The following MSN variants were observed in gnomAD, a reference collection of about 807,000 sequenced individuals.
MSN encodes epididymis luminal protein 70.
A neutral mutation model predicts 48.0 loss-of-function variants in MSN; 2 were observed. The ratio of observed to expected loss-of-function variants is 0.04; its 90% CI spans 0.02 to 0.13. MSN has a LOEUF of 0.13. Ranked by LOEUF, MSN falls within the 10% of genes least tolerant of loss-of-function variation. MSN has a pLI of 1.00. For synonymous variants in MSN, 146 were observed against 166.9 expected (o/e 0.87, Z 0.97); for missense variants, 267 against 470.1 (o/e 0.57, Z 3.99).
At chrX:65,599,609 G>A (rs1051680658) in intron 1 of MSN, among the ~76,000 whole-genome samples, 1 of 112,723 alleles carries the variant, frequency 8.9e-6, no homozygotes, top group African/African-American at 3.2e-5. Context: ...CTCCATTGTG[G>A]GTGACAGAGC....
chrX:65,634,135 G>A (rs1478509385), intron 1 of MSN, among the ~76,000 whole-genome samples: 2 of 112,065 alleles, frequency 1.8e-5, no homozygotes, highest in Non-Finnish European at 3.8e-5. Flanking sequence ...GCCTGGCAAA[G>A]AGGACTGAGA....
chrX:65,609,665 T>C (rs769128915), intron 1 of MSN, among the ~76,000 whole-genome samples: 4 of 111,436 alleles, frequency 3.6e-5, no homozygotes, highest in African/African-American at 6.5e-5. Flanking sequence ...GGGCGGATAA[T>C]GAGGTCAGGA....
chrX:65,694,310 T>G (rs1450548458), intron 1 of MSN, among the ~76,000 whole-genome samples: 1 of 110,652 alleles, frequency 9.0e-6, no homozygotes, highest in African/African-American at 3.3e-5. Context: ...GTGTGCCTCC[T>G]ATACTACATT....
chrX:65,675,701 A>G (rs763829779), intron 1 of MSN, among the ~76,000 whole-genome samples: 4 of 110,164 alleles, frequency 3.6e-5, no homozygotes, highest in Non-Finnish European at 7.6e-5. Flanking sequence ...GCAATGGTGC[A>G]ATCTTGGCTC....
At chrX:65,592,256 C>T (rs1321015596) in intron 1 of MSN, among the ~76,000 whole-genome samples, 6 of 95,445 alleles carry the variant, frequency 6.3e-5, no homozygotes, top group Admixed American at 1.3e-4. Flanking sequence ...AGTTCAGTGG[C>T]GCCATCTTGG....
intron 1 of MSN, among the ~76,000 whole-genome samples, chrX:65,596,211 G>A (rs1033908378): frequency 3.6e-5 from 4 of 111,384 alleles, no homozygotes; most frequent in Non-Finnish European, 7.5e-5. Flanking sequence ...GGAAACTGGG[G>A]ACTCTGACTT....
At chrX:65,724,765 C>T (rs765790168) in intron 2 of MSN, among the ~76,000 whole-genome samples, 10 of 111,449 alleles carry the variant, frequency 9.0e-5, no homozygotes, top group Non-Finnish European at 1.7e-4. Flanking sequence ...CAGCTCACTG[C>T]ATCCTCCACC....
In MSN at chrX:65,667,862, C is replaced by A. The variant is rs1440214590; in HGVS notation, c.12+9C>A. 1 of 1,208,735 alleles carries A rather than the reference C, an allele frequency of 8.3e-7. No individual in the cohort carries two copies. The highest frequency in any genetic ancestry group is 1.7e-5 in the African/African-American group (1 of 57,874). ...CCACCATGCCCAAAACGGTGAGTGCCGGAGGTGGGCGCTGTCGACCCCAAT... is the reference window on the plus strand; with the variant it reads ...CCACCATGCCCAAAACGGTGAGTGCAGGAGGTGGGCGCTGTCGACCCCAAT... On this transcript the variant is annotated intron_variant, in intron 1 of 12. Coordinates refer to ENST00000360270, the MANE Select transcript of MSN (RefSeq NM_002444.3).
At chrX:65,588,467 G>C in exon 1 of MSN, 1 of 624,281 alleles carries the variant, frequency 1.6e-6, no homozygotes, top group Non-Finnish European at 2.0e-6. Context: ...CCTGGGGCCT[G>C]AGATCTCTCC....
intron 7 of MSN, among the ~76,000 whole-genome samples, chrX:65,733,600 G>A (rs777559550): frequency 8.0e-5 from 9 of 112,204 alleles, no homozygotes; most frequent in East Asian, 2.8e-4. Context: ...GGTGGAAACC[G>A]AATGCATCTC....
intron 1 of MSN, among the ~76,000 whole-genome samples, chrX:65,631,641 G>A (rs748598936): frequency 9.0e-6 from 1 of 111,133 alleles, no homozygotes; most frequent in East Asian, 2.8e-4. Context: ...TTCACCCACT[G>A]AAGGACATTT....
At chrX:65,660,933 G>T (rs914540063) in intron 1 of MSN, among the ~76,000 whole-genome samples, 1 of 111,269 alleles carries the variant, frequency 9.0e-6, no homozygotes, top group African/African-American at 3.3e-5. Context: ...GTTGGCTGTG[G>T]GTTTATGATA....
chrX:65,695,840 G>T (rs1465612286), intron 1 of MSN, among the ~76,000 whole-genome samples: 1 of 89,821 alleles, frequency 1.1e-5, no homozygotes, highest in Admixed American at 1.0e-4. Context: ...AAGAGGGTCA[G>T]GAAGCTGGGA....
At chrX:65,636,616 G>C (rs1482927518) in intron 1 of MSN, among the ~76,000 whole-genome samples, 2 of 107,640 alleles carry the variant, frequency 1.9e-5, no homozygotes, top group African/African-American at 3.4e-5. Context: ...GCATGGTGGC[G>C]GGCACCTGTA....
At chrX:65,710,771 C>T (rs181765802) in intron 1 of MSN, among the ~76,000 whole-genome samples, 14 of 111,403 alleles carry the variant, frequency 1.3e-4, no homozygotes, top group Non-Finnish European at 2.5e-4. Context: ...AGTGCAGTGA[C>T]GTGATCTCGG....
At chrX:65,636,904 AC>A (rs1490504401) in intron 1 of MSN, among the ~76,000 whole-genome samples, 1 of 90,209 alleles carries the variant, frequency 1.1e-5, no homozygotes, top group Non-Finnish European at 2.2e-5. Context: ...ACACGGTGAA[AC>A]CCCGTCTCTA....
intron 9 of MSN, 122 bp from the exon 10 acceptor site, chrX:65,737,056 A>G (rs2071684817): frequency 1.6e-5 from 18 of 1,121,577 alleles, no homozygotes; most frequent in Non-Finnish European, 2.2e-5. Flanking sequence ...AGAATGGGCA[A>G]GAAGAGAGCT....
chrX:65,659,577 A>G (rs1034809026), intron 1 of MSN, among the ~76,000 whole-genome samples: 1 of 111,649 alleles, frequency 9.0e-6, no homozygotes, highest in African/African-American at 3.3e-5. Flanking sequence ...CTGGACCCCA[A>G]GTCTGTCCCT....
At chrX:65,635,817 A>C (rs1015663581) in intron 1 of MSN, among the ~76,000 whole-genome samples, 1 of 112,026 alleles carries the variant, frequency 8.9e-6, no homozygotes, top group African/African-American at 3.2e-5. Flanking sequence ...GAAAGTGGGA[A>C]GGGATGAATA....
Sources: allele counts gnomAD v4.1 joint callset (sites outside exome capture counted in the v4.1 genomes callset), GRCh38; gene constraint gnomAD v4.1.1; transcripts MANE v1.5; gene names NCBI Gene and HGNC (gene_info 2026-07-23, HGNC 2026-07-21).